The following BACH2 variants were observed in gnomAD, a reference collection of about 807,000 sequenced individuals.
BACH2 encodes the protein transcription regulator protein BACH2.
Under a neutral mutation model 61.8 loss-of-function variants are expected in BACH2, and 5 were observed. The ratio of observed to expected loss-of-function variants is 0.08; its 90% CI spans 0.04 to 0.17. The LOEUF (loss-of-function observed/expected upper bound fraction) is 0.17. Ranked by LOEUF, BACH2 falls within the 10% of genes least tolerant of loss-of-function variation. The probability of loss-of-function intolerance (pLI) is 1.00; values close to 1 mark genes in which losing one functional copy is unlikely to be tolerated. For missense variants in BACH2, 824 were observed against 1,091.1 expected, an observed-to-expected ratio of 0.76 and a Z score of 3.45; for synonymous variants, 446 against 440.1, an observed-to-expected ratio of 1.01 and a Z score of -0.17.
intron 7 of BACH2, among the ~76,000 whole-genome samples, chr6:89,940,426 G>T (rs1467224807): frequency 6.6e-6 from 1 of 152,224 alleles, no homozygotes; most frequent in Non-Finnish European, 1.5e-5. Context: ...CACCCATGAG[G>T]TGACACAGGC....
chr6:90,174,217 A>G (rs1458395212), intron 4 of BACH2, among the ~76,000 whole-genome samples: 1 of 152,210 alleles, frequency 6.6e-6, no homozygotes, highest in East Asian at 1.9e-4. Flanking sequence ...TTTCCAAAGA[A>G]AAATAATGTG....
At chr6:90,244,298 C>G (rs921484377) in intron 3 of BACH2, among the ~76,000 whole-genome samples, 7 of 152,348 alleles carry the variant, frequency 4.6e-5, no homozygotes, top group African/African-American at 1.7e-4. Context: ...TTACTAAATA[C>G]TTACTATGTA....
At chr6:90,065,234 T>G (rs572277252) in intron 5 of BACH2, among the ~76,000 whole-genome samples, 1 of 143,518 alleles carries the variant, frequency 7.0e-6, no homozygotes, top group African/African-American at 2.5e-5. Context: ...TGTAAAGCAG[T>G]AGGTCCTGCT....
intron 5 of BACH2, among the ~76,000 whole-genome samples, chr6:90,077,482 T>C (rs766932535): frequency 2.0e-5 from 3 of 152,126 alleles, no homozygotes; most frequent in Non-Finnish European, 2.9e-5. Context: ...ACAAGACAGA[T>C]TTCCCTGGCA....
At chr6:89,956,066 T>A (rs2128358048) in intron 6 of BACH2, among the ~76,000 whole-genome samples, 1 of 152,300 alleles carries the variant, frequency 6.6e-6, no homozygotes, top group Admixed American at 6.5e-5. Flanking sequence ...AATCCACTGG[T>A]CAGCAGTGGC....
rs192746279 is a variant in BACH2, at chr6:89,937,820, C to T, written c.2043+324G>A. Among the ~76,000 whole-genome samples the T allele has an allele frequency of 2.6e-3, 399 of 152,280 alleles. 3 individuals are homozygous for T. Among genetic ancestry groups the T allele is most frequent in the Non-Finnish European group, 3.9e-3 (264 of 68,024 alleles). ...TGCTAGGATTACAGGCGTGAGCCAC[C>T]ACATCTGGCCAACATCAGTTATTTT... On this transcript the variant is annotated intron_variant, in intron 8 of 8. Transcript: ENST00000257749.
At chr6:90,250,746 A>G (rs1770781168) in intron 3 of BACH2, among the ~76,000 whole-genome samples, 2 of 152,250 alleles carry the variant, frequency 1.3e-5, no homozygotes, top group African/African-American at 4.8e-5. Context: ...TACAATGTAA[A>G]TATAGCTAAT....
chr6:89,950,070 A>C lies in BACH2; in HGVS notation c.1836+200T>G, dbSNP rs565957808. On this transcript the variant is annotated intron_variant, in intron 7 of 8. Transcript: ENST00000257749. The surrounding 1 kb of genome is among the most constrained non-coding windows in gnomAD (Gnocchi z 5.3). ...AGTATTGAGATCCAGATCAAATATC[A>C]AGTGCTTTTCTAGGACAGAAGTGGT... The C allele has an allele frequency of 3.1e-6, 2 of 638,688 alleles. No homozygotes were observed. Among genetic ancestry groups the C allele is most frequent in the Non-Finnish European group, 5.5e-6 (2 of 362,984 alleles). The allele number at this position is 638,688 out of a possible 1,614,324, so 39.6% of individuals were successfully genotyped here.
chr6:90,046,813 T>G (rs1000346843), intron 5 of BACH2, among the ~76,000 whole-genome samples: 2 of 152,054 alleles, frequency 1.3e-5, no homozygotes, highest in African/African-American at 2.4e-5. Flanking sequence ...GACTTTTTTT[T>G]TTTTAACACT....
At chr6:90,190,576 C>T (rs73752896) in intron 4 of BACH2, among the ~76,000 whole-genome samples, 1,651 of 152,312 alleles carry the variant, frequency 0.011, 15 homozygotes, top group African/African-American at 0.03. Flanking sequence ...ATTTTCTCAA[C>T]TATCTTGCCT....
intron 6 of BACH2, among the ~76,000 whole-genome samples, chr6:89,965,595 G>A (rs1046095154): frequency 3.3e-5 from 5 of 152,226 alleles, no homozygotes; most frequent in Non-Finnish European, 5.9e-5. Flanking sequence ...GAACTAAACC[G>A]AGCTAGCCCT....
At chr6:90,111,313 T>C (rs1200645695) in intron 4 of BACH2, among the ~76,000 whole-genome samples, 1 of 152,178 alleles carries the variant, frequency 6.6e-6, no homozygotes, top group Non-Finnish European at 1.5e-5. Context: ...TCTATGCTTT[T>C]ACTTTTGCCT....
intron 3 of BACH2, among the ~76,000 whole-genome samples, chr6:90,213,918 A>G (rs1274164415): frequency 1.3e-5 from 2 of 152,152 alleles, no homozygotes; most frequent in Non-Finnish European, 2.9e-5. Flanking sequence ...CTTGGTCAGA[A>G]TATTTTGAAA....
At chr6:90,149,227 G>T (rs1181785988) in intron 4 of BACH2, among the ~76,000 whole-genome samples, 1 of 152,056 alleles carries the variant, frequency 6.6e-6, no homozygotes, top group African/African-American at 2.4e-5. Flanking sequence ...TATGATAAGG[G>T]GCAAGTAACC....
chr6:90,120,070 C>A (rs1410149409), intron 4 of BACH2, among the ~76,000 whole-genome samples: 1 of 152,234 alleles, frequency 6.6e-6, no homozygotes, highest in Non-Finnish European at 1.5e-5. Context: ...TGGTCTCATT[C>A]ATTCATTCAT....
chr6:89,980,653 C>T (rs543814750), intron 6 of BACH2, among the ~76,000 whole-genome samples: 1 of 152,198 alleles, frequency 6.6e-6, no homozygotes, highest in African/African-American at 2.4e-5. Flanking sequence ...TGAGGACATT[C>T]ACCTGAGAAG....
chr6:90,018,337 C>T (rs552208377), intron 5 of BACH2, among the ~76,000 whole-genome samples: 2 of 152,340 alleles, frequency 1.3e-5, no homozygotes, highest in Admixed American at 6.5e-5. Flanking sequence ...ACTCTTAGTG[C>T]TGTCTCTTCA....
Position 90,145,043 on chromosome 6 carries a change from C to A in BACH2, c.-161-55934G>T, listed in dbSNP as rs1056418286. Among the ~76,000 whole-genome samples, 8 of 152,178 alleles carry A rather than the reference C, an allele frequency of 5.3e-5. No homozygotes were observed. In the East Asian group the frequency reaches 1.5e-3, roughly 29 times the overall value. ...CCACTCTCTCAAACACTCCCTCCCA[C>A]CCCCCAAATAAACCACATATAAACT... On this transcript the variant is annotated intron_variant, in intron 4 of 8. Transcript: ENST00000257749.
chr6:90,283,002 AC>A (rs1771903544), intron 1 of BACH2, among the ~76,000 whole-genome samples: 1 of 152,244 alleles, frequency 6.6e-6, no homozygotes, highest in South Asian at 2.1e-4. Context: ...CCATTCATTC[AC>A]ATCCTTACAT....
Sources: allele counts gnomAD v4.1 joint callset (sites outside exome capture counted in the v4.1 genomes callset), GRCh38; gene constraint gnomAD v4.1.1; non-coding constraint Gnocchi (gnomAD v3.1); transcripts MANE v1.5; gene names NCBI Gene and HGNC (gene_info 2026-07-23, HGNC 2026-07-21).